Variants in ALK observed in about 807,000 individuals in gnomAD.
The protein encoded by ALK is ALK receptor tyrosine kinase, also known as ALK tyrosine kinase receptor.
In ALK, 74 loss-of-function variants were observed where a neutral mutation model predicts 163.1. That is an observed-to-expected ratio of 0.45 (90% CI 0.38 to 0.55). The LOEUF is 0.55. ALK is among the 20% of genes least tolerant of loss of function. The pLI is 0.00. For missense variants in ALK, 2,063 were observed against 2,105.3 expected (o/e 0.98, Z 0.39); for synonymous variants, 960 against 843.2 (o/e 1.14, Z -2.40).
intron 1 of ALK, among the ~76,000 whole-genome samples, chr2:29,821,509 T>G (rs1042366703): frequency 2.0e-5 from 3 of 152,106 alleles, no homozygotes; most frequent in Non-Finnish European, 2.9e-5. Context: ...GGTGAGAAGG[T>G]GCAATCCCTG....
chr2:29,545,242 T>C (rs1427304995), intron 3 of ALK, among the ~76,000 whole-genome samples: 1 of 152,186 alleles, frequency 6.6e-6, no homozygotes, highest in Non-Finnish European at 1.5e-5. Flanking sequence ...AGGGCTTAGA[T>C]GGCCTCACCA....
At chr2:29,382,368 G>C (rs182814760) in intron 5 of ALK, among the ~76,000 whole-genome samples, 124 of 152,290 alleles carry the variant, frequency 8.1e-4, no homozygotes, top group African/African-American at 2.7e-3. Context: ...TAGGTGAGAG[G>C]GAGTTGCAGG....
In ALK at chr2:29,200,892, T is replaced by C. The variant is rs189674882; in HGVS notation, c.3939-3216A>G. 1.1e-3 allele frequency among the ~76,000 whole-genome samples: 159 copies of C among 150,598 alleles called. 4 individuals carry two copies. Among genetic ancestry groups the C allele is most frequent in the Admixed American group, 0.01 (155 of 15,084 alleles). On this transcript the variant is annotated intron_variant, in intron 26 of 28. Coordinates refer to ENST00000389048, the MANE Select transcript of ALK (RefSeq NM_004304.5). ...GTATATATATATTTTTAAACTTCAC[T>C]TTCTTTTGGTATTAAACTTGCTCTG...
chr2:29,355,068 C>A (rs577420835), intron 5 of ALK, among the ~76,000 whole-genome samples: 2 of 152,146 alleles, frequency 1.3e-5, no homozygotes, highest in Admixed American at 6.5e-5. Context: ...GCCCGGCCAG[C>A]CCACTTTTCT....
chr2:29,687,080 T>C (rs1253775512), intron 3 of ALK, among the ~76,000 whole-genome samples: 1 of 151,968 alleles, frequency 6.6e-6, no homozygotes, highest in Non-Finnish European at 1.5e-5. Flanking sequence ...CCAGTGACCT[T>C]AGTATGATGA....
chr2:29,797,618 T>C (rs1361156753), intron 1 of ALK, among the ~76,000 whole-genome samples: 1 of 152,138 alleles, frequency 6.6e-6, no homozygotes, highest in Non-Finnish European at 1.5e-5. Context: ...GCCAGGGACA[T>C]TGCTTAGTGT....
intron 4 of ALK, among the ~76,000 whole-genome samples, chr2:29,446,399 C>T (rs1326233647): frequency 1.3e-5 from 2 of 152,102 alleles, no homozygotes; most frequent in African/African-American, 4.8e-5. Flanking sequence ...ACAATCCTAG[C>T]CCTACCAAGT....
intron 1 of ALK, among the ~76,000 whole-genome samples, chr2:29,858,395 C>G (rs13035485): frequency 6.6e-6 from 1 of 151,656 alleles, no homozygotes; most frequent in Non-Finnish European, 1.5e-5. Flanking sequence ...AACCACCCCC[C>G]TCTCGCACAG....
intron 3 of ALK, among the ~76,000 whole-genome samples, chr2:29,632,121 C>T (rs573119423): frequency 1.3e-5 from 2 of 152,298 alleles, no homozygotes; most frequent in South Asian, 4.1e-4. Flanking sequence ...CTTCTCTCTC[C>T]CCCAGGATAG....
At chr2:29,440,680 TC>T (rs947123386) in intron 4 of ALK, among the ~76,000 whole-genome samples, 1 of 152,118 alleles carries the variant, frequency 6.6e-6, no homozygotes, top group East Asian at 1.9e-4. Context: ...CTTGTCAGGG[TC>T]CCCTGCAATC....
intron 1 of ALK, among the ~76,000 whole-genome samples, chr2:29,883,123 G>C (rs187234172): frequency 2.2e-3 from 330 of 151,538 alleles, no homozygotes; most frequent in Admixed American, 4.7e-3. Flanking sequence ...GAAGGGAAGG[G>C]AAGGTAAAAG....
chr2:29,374,027 T>C (rs999637868), intron 5 of ALK, among the ~76,000 whole-genome samples: 1 of 152,164 alleles, frequency 6.6e-6, no homozygotes, highest in Non-Finnish European at 1.5e-5. Flanking sequence ...AAGAGGTAAA[T>C]TTTCCCTTTG....
chr2:29,735,065 C>T (rs188677110), intron 1 of ALK, among the ~76,000 whole-genome samples: 2 of 152,178 alleles, frequency 1.3e-5, no homozygotes, highest in Admixed American at 6.5e-5. Context: ...TTGGTATTCT[C>T]GTTTTGCATA....
intron 1 of ALK, among the ~76,000 whole-genome samples, chr2:29,874,903 C>A (rs1666665579): frequency 6.6e-6 from 1 of 152,194 alleles, no homozygotes; most frequent in East Asian, 1.9e-4. Flanking sequence ...CTCAGCTCTT[C>A]TGGCCTGACT....
chr2:29,680,351 G>A (rs988997312), intron 3 of ALK, among the ~76,000 whole-genome samples: 3 of 151,894 alleles, frequency 2.0e-5, no homozygotes, highest in African/African-American at 7.2e-5. Context: ...AGTTTCTTAG[G>A]ATCTGAACAT....
chr2:29,276,665 G>A (rs976355292), intron 9 of ALK, among the ~76,000 whole-genome samples: 5 of 152,134 alleles, frequency 3.3e-5, no homozygotes, highest in African/African-American at 1.2e-4. Context: ...AAATGGACCC[G>A]GAGACGTGCT....
intron 11 of ALK, among the ~76,000 whole-genome samples, chr2:29,257,843 ATC>A (rs1664988439): frequency 6.6e-6 from 1 of 152,174 alleles, no homozygotes; most frequent in Admixed American, 6.5e-5. Flanking sequence ...ATAATAATTC[ATC>A]CATTTCTTTT....
chr2:29,824,984 G>A (rs1665157887), intron 1 of ALK, among the ~76,000 whole-genome samples: 1 of 152,202 alleles, frequency 6.6e-6, no homozygotes, highest in African/African-American at 2.4e-5. Context: ...CTGGTGGGAA[G>A]TAATTGAATC....
intron 3 of ALK, among the ~76,000 whole-genome samples, chr2:29,667,460 A>G (rs1677547745): frequency 6.6e-6 from 1 of 151,936 alleles, no homozygotes; most frequent in African/African-American, 2.4e-5. Flanking sequence ...TTTCTCACAT[A>G]TGGCATTTGT....
Sources: gnomAD v4.1 joint callset for allele counts (sites outside exome capture counted in the v4.1 genomes callset) on GRCh38, gnomAD v4.1.1 for gene constraint, MANE v1.5 for transcripts, NCBI Gene and HGNC (gene_info 2026-07-23, HGNC 2026-07-21) for gene names.